The following RNF38 variants were observed in gnomAD, a reference collection of about 807,000 sequenced individuals.
The protein encoded by RNF38 is ring finger protein 38.
RNF38 carries 15 observed loss-of-function variants against 67.2 expected under a neutral mutation model. The ratio of observed to expected loss-of-function variants is 0.22; its 90% CI spans 0.15 to 0.34. RNF38 has a LOEUF of 0.34. RNF38 is among the 10% of genes least tolerant of loss of function. The pLI, the probability that RNF38 is intolerant of heterozygous loss-of-function variation, is 1.00. For synonymous variants in RNF38, 220 were observed against 218.8 expected (o/e 1.01, Z -0.05); for missense variants, 524 against 639.9 (o/e 0.82, Z 1.95).
intron 2 of RNF38, among the ~76,000 whole-genome samples, chr9:36,414,451 G>GA (rs1248535722): frequency 6.6e-6 from 1 of 152,156 alleles, no homozygotes; most frequent in Non-Finnish European, 1.5e-5. Flanking sequence ...TTGGGAGGCT[G>GA]AGGGGGGCAG....
rs1006178043 is a variant in RNF38, at chr9:36,358,091, T to C, written c.571-149A>G. On this transcript the variant is annotated intron_variant, in intron 4 of 11. Coordinates refer to ENST00000259605, the MANE Select transcript of RNF38 (RefSeq NM_022781.5). ...CCAATAGTTTCGACCAGAATATTCA[T>C]TGTCTTTGTAGGGGAGAGTTGACTA... is the stretch of plus-strand genomic sequence containing the variant. The C allele has an allele frequency of 4.7e-6, 3 of 639,976 alleles. No individual in the cohort carries two copies. In the South Asian group the frequency reaches 6.0e-5, roughly 13 times the overall value. The allele number at this position is 639,976 out of a possible 1,614,324, so 39.6% of individuals were successfully genotyped here.
intron 1 of RNF38, among the ~76,000 whole-genome samples, chr9:36,393,642 T>C (rs1305018755): frequency 1.3e-5 from 2 of 151,942 alleles, no homozygotes; most frequent in African/African-American, 2.4e-5. Flanking sequence ...ATTCCCATTA[T>C]TAGGTTAAAT....
At chr9:36,472,406 A>G (rs532584574) in intron 1 of RNF38, among the ~76,000 whole-genome samples, 47 of 152,324 alleles carry the variant, frequency 3.1e-4, no homozygotes, top group African/African-American at 1.1e-3. Flanking sequence ...GATGGCTTTC[A>G]ATGCAGCCCA....
rs189525424 is a variant in RNF38, at chr9:36,424,647, T to A, written n.278A>T. On this transcript the variant is annotated non_coding_transcript_exon_variant, in exon 2 of 4. Transcript: ENST00000488058. ...GTCATCATGACAAATGTGGTCGTGA[T>A]GGATGGACTGGCACTGAAAAGAAGC... 174 of 985,812 alleles carry A rather than the reference T, an allele frequency of 1.8e-4. 4 individuals are homozygous for A. In the East Asian group the frequency reaches 0.014, roughly 77 times the overall value. The allele number at this position is 985,812 out of a possible 1,614,324, so 61.1% of individuals were successfully genotyped here.
intron 2 of RNF38, among the ~76,000 whole-genome samples, chr9:36,416,574 C>A (rs975192309): frequency 6.6e-6 from 1 of 152,002 alleles, no homozygotes; most frequent in African/African-American, 2.4e-5. Context: ...AAAATTTGCA[C>A]TCAGTCAAAA....
At chr9:36,376,433 ACT>A (rs1835791225) in intron 2 of RNF38, among the ~76,000 whole-genome samples, 1 of 151,974 alleles carries the variant, frequency 6.6e-6, no homozygotes, top group African/African-American at 2.4e-5. Flanking sequence ...TTCGTGTAGT[ACT>A]CGACCTTCTC....
upstream of RNF38, chr9:36,400,824 C>G (rs1019061945): frequency 1.0e-6 from 1 of 985,078 alleles, no homozygotes; most frequent in Non-Finnish European, 1.2e-6. Context: ...ATCCTCTCCG[C>G]CCCCACGCCC....
intron 1 of RNF38, among the ~76,000 whole-genome samples, chr9:36,391,518 T>C (rs1426080760): frequency 3.3e-5 from 5 of 152,208 alleles, no homozygotes; most frequent in African/African-American, 4.8e-5. Context: ...GTCTTCTTTT[T>C]AGAGTTTCAT....
At chr9:36,396,562 G>C (rs1837523813) in intron 1 of RNF38, among the ~76,000 whole-genome samples, 1 of 152,076 alleles carries the variant, frequency 6.6e-6, no homozygotes, top group South Asian at 2.1e-4. Context: ...ACAGTGTGGA[G>C]CAGGGGTACT....
chr9:36,472,722 T>C (rs1443727329), intron 1 of RNF38, among the ~76,000 whole-genome samples: 2 of 152,196 alleles, frequency 1.3e-5, no homozygotes, highest in Non-Finnish European at 2.9e-5. Flanking sequence ...TCTGTTTAAG[T>C]GCCCAAACAA....
At chr9:36,400,344 G>C, upstream of RNF38, 1 of 1,240,950 alleles carries the variant, frequency 8.1e-7, no homozygotes, top group Non-Finnish European at 1.0e-6. Flanking sequence ...CGGCAAAAAG[G>C]GAGGGAGCGA....
At chr9:36,391,141 C>T (rs966279541) in intron 1 of RNF38, among the ~76,000 whole-genome samples, 1 of 152,078 alleles carries the variant, frequency 6.6e-6, no homozygotes. Context: ...CTCTATTCAA[C>T]ACAAACCTAA....
At position 36,338,610 on chromosome 9, in the gene RNF38, G is replaced by C. The variant is rs1323115456; in HGVS notation, c.*1142C>G. ...ACAATTGAGTTGCCCACAGGAGCTT[G>C]AACACAGAACACATATGAGAAGTCA... On this transcript the variant is annotated 3_prime_UTR_variant, in exon 12 of 12. Transcript: ENST00000259605. 6.6e-6 allele frequency: 1 copy of C among 152,254 alleles called. No individual in the cohort carries two copies. Among genetic ancestry groups the C allele is most frequent in the African/African-American group, 2.4e-5 (1 of 41,454 alleles). 9.4% of individuals were successfully genotyped at this position (152,254 alleles called of 1,614,324 possible). A position where few individuals can be genotyped will look rare whatever the true frequency, so the allele number is the denominator to read the frequency against.
At chr9:36,385,635 T>C (rs1455549919) in intron 2 of RNF38, among the ~76,000 whole-genome samples, 3 of 152,060 alleles carry the variant, frequency 2.0e-5, no homozygotes, top group Non-Finnish European at 4.4e-5. Context: ...CGCCTCAGCC[T>C]CCCAAAGTGC....
intron 9 of RNF38, among the ~76,000 whole-genome samples, chr9:36,349,603 C>T (rs746496688): frequency 7.2e-5 from 11 of 152,052 alleles, no homozygotes; most frequent in Admixed American, 2.0e-4. Context: ...CTTTCTTTTG[C>T]GGTACAGAAG....
At chr9:36,482,048 C>CTTTTT (rs767211095) in intron 1 of RNF38, among the ~76,000 whole-genome samples, 4 of 119,306 alleles carry the variant, frequency 3.4e-5, no homozygotes, top group Non-Finnish European at 6.9e-5. Context: ...ATACTTTTGT[C>CTTTTT]TTTTTTTTTT....
chr9:36,472,747 T>A (rs1231303097), intron 1 of RNF38, among the ~76,000 whole-genome samples: 8 of 152,140 alleles, frequency 5.3e-5, no homozygotes, highest in Admixed American at 5.2e-4. Context: ...TCAGTTAAGA[T>A]CTAATGTTGA....
intron 1 of RNF38, among the ~76,000 whole-genome samples, chr9:36,426,394 C>T (rs2134247573): frequency 6.6e-6 from 1 of 152,300 alleles, no homozygotes; most frequent in East Asian, 1.9e-4. Context: ...CAATTCTGGA[C>T]ATTTCATATA....
In RNF38 at chr9:36,369,597, C is replaced by T. The variant is rs906105433; in HGVS notation, c.570+122G>A. 16 of 733,448 alleles carry T rather than the reference C, an allele frequency of 2.2e-5. No individual in the cohort carries two copies. The African/African-American group carries it at 2.3e-4, about 11-fold the overall frequency. 45.4% of individuals were successfully genotyped at this position (733,448 alleles called of 1,614,324 possible). A position where few individuals can be genotyped will look rare whatever the true frequency, so the allele number is the denominator to read the frequency against. On this transcript the variant is annotated intron_variant, in intron 4 of 11. Transcript: ENST00000259605. The stretch of plus-strand genomic sequence containing the variant: ...CTCAATTCTTAAAAGGAATGAGGAA[C>T]TTAAATAACTTCATTTTAGGTAAAA...
Sources: allele counts gnomAD v4.1 joint callset (sites outside exome capture counted in the v4.1 genomes callset), GRCh38; gene constraint gnomAD v4.1.1; transcripts MANE v1.5; gene names NCBI Gene and HGNC (gene_info 2026-07-23, HGNC 2026-07-21).